Variants in DDR2 observed in about 807,000 individuals in gnomAD.
DDR2 encodes the protein discoidin domain-containing receptor 2.
In DDR2, 27 loss-of-function variants were observed where a neutral mutation model predicts 94.9. The observed-to-expected ratio is 0.28, with a 90% CI of 0.21 to 0.39. The LOEUF (loss-of-function observed/expected upper bound fraction) is 0.39. DDR2 is among the 10% of genes least tolerant of loss of function. The pLI, the probability that DDR2 is intolerant of heterozygous loss-of-function variation, is 1.00. For missense variants in DDR2, 783 were observed against 1,076.0 expected, an observed-to-expected ratio of 0.73 and a Z score of 3.81; for synonymous variants, 382 against 377.2, an observed-to-expected ratio of 1.01 and a Z score of -0.15.
chr1:162,715,270 A>G (rs920756397), intron 2 of DDR2, among the ~76,000 whole-genome samples: 1 of 152,164 alleles, frequency 6.6e-6, no homozygotes, highest in East Asian at 1.9e-4. Context: ...GTTGGGGGGG[A>G]ATACAAATTA....
chr1:162,643,817 T>C lies in DDR2; in HGVS notation c.-192+11186T>C, dbSNP rs528956974. The stretch of plus-strand genomic sequence containing the variant: ...TTTTCTAACTTACAATGTACTCGAA[T>C]ATTGAAAGGAATTTCATATTTTTAG... On this transcript the variant is annotated intron_variant, in intron 1 of 17. Coordinates refer to ENST00000367921, the MANE Select transcript of DDR2 (RefSeq NM_006182.4). Among the ~76,000 whole-genome samples, 8 of 152,350 alleles carry C rather than the reference T, an allele frequency of 5.3e-5. No individual in the cohort carries two copies. In the East Asian group the frequency reaches 1.3e-3, roughly 26 times the overall value.
At chr1:162,699,037 C>T (rs375932649) in intron 2 of DDR2, among the ~76,000 whole-genome samples, 5 of 151,944 alleles carry the variant, frequency 3.3e-5, no homozygotes, top group African/African-American at 1.2e-4. Context: ...CTGGGACTTA[C>T]GCTTATTTAA....
chr1:162,716,935 C>G (rs548711574), intron 2 of DDR2, among the ~76,000 whole-genome samples: 1 of 152,148 alleles, frequency 6.6e-6, no homozygotes, highest in Non-Finnish European at 1.5e-5. Context: ...GGAATTTCTT[C>G]TCTCTTTATA....
At chr1:162,751,954 C>G (rs1170175146) in intron 3 of DDR2, among the ~76,000 whole-genome samples, 1 of 152,084 alleles carries the variant, frequency 6.6e-6, no homozygotes, top group Non-Finnish European at 1.5e-5. Flanking sequence ...AGTGAGAACA[C>G]CTGGACACAG....
intron 2 of DDR2, among the ~76,000 whole-genome samples, chr1:162,715,646 C>T (rs939406825): frequency 1.3e-5 from 2 of 152,206 alleles, no homozygotes; most frequent in African/African-American, 4.8e-5. Context: ...TGAAGTAACA[C>T]AAGCCTTAGG....
At chr1:162,750,316 T>G (rs1047330035) in intron 3 of DDR2, among the ~76,000 whole-genome samples, 1 of 152,148 alleles carries the variant, frequency 6.6e-6, no homozygotes, top group African/African-American at 2.4e-5. Flanking sequence ...AAAATCAATG[T>G]GCAAAAAATC....
chr1:162,672,853 C>T (rs879459124), intron 2 of DDR2, among the ~76,000 whole-genome samples: 3 of 152,064 alleles, frequency 2.0e-5, no homozygotes, highest in Non-Finnish European at 4.4e-5. Context: ...GGCATGTTCT[C>T]GGGGCCTCTC....
intron 2 of DDR2, among the ~76,000 whole-genome samples, chr1:162,672,787 C>A (rs986965185): frequency 6.6e-6 from 1 of 151,994 alleles, no homozygotes; most frequent in Non-Finnish European, 1.5e-5. Flanking sequence ...AATGTTCTGG[C>A]GGCCATTCTC....
chr1:162,645,613 A>T (rs370856059), intron 1 of DDR2, among the ~76,000 whole-genome samples: 8 of 152,352 alleles, frequency 5.3e-5, no homozygotes, highest in African/African-American at 1.9e-4. Flanking sequence ...CTATGTTTAA[A>T]TCTGTTATTT....
upstream of DDR2, chr1:162,632,410 G>A (rs1310291708): frequency 6.6e-6 from 1 of 152,094 alleles, no homozygotes; most frequent in Non-Finnish European, 1.5e-5. Context: ...CAATATATTG[G>A]ATGCTGGGAT....
chr1:162,767,995 A>T (rs774495478), intron 11 of DDR2, among the ~76,000 whole-genome samples: 23 of 152,182 alleles, frequency 1.5e-4, no homozygotes, highest in South Asian at 8.3e-4. Flanking sequence ...CTAACACTTT[A>T]CAGGAAGCAG....
At chr1:162,697,183 T>C (rs1397499706) in intron 2 of DDR2, among the ~76,000 whole-genome samples, 1 of 152,132 alleles carries the variant, frequency 6.6e-6, no homozygotes. Context: ...ATAGAATTAA[T>C]GGATAAAGAC....
intron 2 of DDR2, among the ~76,000 whole-genome samples, chr1:162,661,828 G>T (rs1658309394): frequency 6.6e-6 from 1 of 152,136 alleles, no homozygotes; most frequent in South Asian, 2.1e-4. Flanking sequence ...GAGTTATCTG[G>T]GGCCAAAGAG....
At chr1:162,684,670 T>A (rs1173721387) in intron 2 of DDR2, among the ~76,000 whole-genome samples, 1 of 152,176 alleles carries the variant, frequency 6.6e-6, no homozygotes. Flanking sequence ...AGTAGAATAC[T>A]TGTGCTTGTG....
chr1:162,658,465 A>G (rs1265506343), intron 2 of DDR2, among the ~76,000 whole-genome samples: 1 of 152,110 alleles, frequency 6.6e-6, no homozygotes, highest in Admixed American at 6.6e-5. Context: ...GTGTTCAACT[A>G]ACCAGAGAAT....
At chr1:162,657,000 G>A (rs905726246) in intron 2 of DDR2, among the ~76,000 whole-genome samples, 1 of 151,140 alleles carries the variant, frequency 6.6e-6, no homozygotes, top group South Asian at 2.1e-4. Context: ...ACAGGCACAC[G>A]CCACCACTTT....
intron 2 of DDR2, among the ~76,000 whole-genome samples, chr1:162,694,443 C>G (rs989619017): frequency 4.6e-5 from 7 of 152,084 alleles, no homozygotes; most frequent in South Asian, 2.1e-4. Context: ...TTCTTTCCCC[C>G]ACCTCCTCAT....
Position 162,739,681 on chromosome 1 carries a change from G to A in DDR2, c.83-13414G>A, listed in dbSNP as rs1035146911. 4.6e-5 allele frequency among the ~76,000 whole-genome samples: 7 copies of A among 152,276 alleles called. No individual in the cohort carries two copies. In the South Asian group the frequency reaches 1.2e-3, roughly 27 times the overall value. On this transcript the variant is annotated intron_variant, in intron 3 of 17. Coordinates refer to ENST00000367921, the MANE Select transcript of DDR2 (RefSeq NM_006182.4). Reference sequence around the variant, plus strand: ...ATGTCTTTGCTATTGTGAATAGTGTGAGCGGAAGAATTTCATGATTTGATT... The same window carrying A: ...ATGTCTTTGCTATTGTGAATAGTGTAAGCGGAAGAATTTCATGATTTGATT...
At chr1:162,695,654 A>G (rs1660155755) in intron 2 of DDR2, among the ~76,000 whole-genome samples, 1 of 152,236 alleles carries the variant, frequency 6.6e-6, no homozygotes, top group Admixed American at 6.5e-5. Context: ...GATGTGGAGC[A>G]CTGTGCCAAT....
Sources: gnomAD v4.1 joint callset for allele counts (sites outside exome capture counted in the v4.1 genomes callset) on GRCh38, gnomAD v4.1.1 for gene constraint, MANE v1.5 for transcripts, NCBI Gene and HGNC (gene_info 2026-07-23, HGNC 2026-07-21) for gene names.